The following F13B variants were observed in gnomAD, a reference collection of about 807,000 sequenced individuals.
The protein encoded by F13B is coagulation factor XIII B chain.
A neutral mutation model predicts 79.8 loss-of-function variants in F13B; 58 were observed. The observed-to-expected ratio is 0.73, with a 90% CI of 0.59 to 0.90. The LOEUF is 0.90. F13B is among the 40% of genes least tolerant of loss of function. The pLI, the probability that F13B is intolerant of heterozygous loss-of-function variation, is 0.00. For missense variants in F13B, 773 were observed against 777.0 expected, an observed-to-expected ratio of 0.99 and a Z score of 0.06; for synonymous variants, 283 against 260.3, an observed-to-expected ratio of 1.09 and a Z score of -0.84.
At chr1:197,048,564 A>T (rs1655325976) in intron 10 of F13B, among the ~76,000 whole-genome samples, 1 of 152,106 alleles carries the variant, frequency 6.6e-6, no homozygotes, top group African/African-American at 2.4e-5. Flanking sequence ...ATGCCAATAC[A>T]CCAAGATACG....
intron 10 of F13B, among the ~76,000 whole-genome samples, chr1:197,048,973 T>C (rs1248349486): frequency 6.6e-6 from 1 of 151,792 alleles, no homozygotes; most frequent in African/African-American, 2.4e-5. Flanking sequence ...AACTAGAAAA[T>C]CCCCTAAATA....
Position 197,039,363 on chromosome 1 carries a change from T to A in F13B, c.*15A>T. The A allele has an allele frequency of 6.2e-7, 1 of 1,602,480 alleles. No homozygotes were observed. Among genetic ancestry groups the A allele is most frequent in the South Asian group, 1.1e-5 (1 of 90,380 alleles). On this transcript the variant is annotated 3_prime_UTR_variant, in exon 12 of 12. Coordinates refer to ENST00000367412, the MANE Select transcript of F13B (RefSeq NM_001994.3). ...TGATGTATTGAAATATGACTCCTCTTTCTGCCATTCATTTCTATGTTCTTA... is the reference window on the plus strand; with the variant it reads ...TGATGTATTGAAATATGACTCCTCTATCTGCCATTCATTTCTATGTTCTTA...
intron 10 of F13B, among the ~76,000 whole-genome samples, chr1:197,049,762 G>A (rs1003035061): frequency 2.0e-5 from 3 of 152,036 alleles, no homozygotes; most frequent in South Asian, 4.1e-4. Flanking sequence ...TCTTTCTCAT[G>A]AAAATAGATG....
chr1:197,055,059 G>A (rs1478167924), intron 8 of F13B, among the ~76,000 whole-genome samples: 2 of 151,852 alleles, frequency 1.3e-5, no homozygotes, highest in Non-Finnish European at 2.9e-5. Flanking sequence ...AGTATATATT[G>A]TAGAAGTATG....
chr1:197,064,012 G>T (rs1461792370), intron 1 of F13B, among the ~76,000 whole-genome samples: 1 of 152,052 alleles, frequency 6.6e-6, no homozygotes, highest in African/African-American at 2.4e-5. Flanking sequence ...GCAATACTTG[G>T]CAAGAACTTG....
chr1:197,059,945 C>CT (rs1162311577), intron 5 of F13B, among the ~76,000 whole-genome samples: 1 of 152,072 alleles, frequency 6.6e-6, no homozygotes, highest in Non-Finnish European at 1.5e-5. Context: ...TATTCTTCTG[C>CT]TTTTCCTGCT....
At chr1:197,061,342 T>C (rs368446352) in intron 3 of F13B, among the ~76,000 whole-genome samples, 1 of 152,122 alleles carries the variant, frequency 6.6e-6, no homozygotes, top group Admixed American at 6.6e-5. Context: ...GCAGTAGCAA[T>C]TGTGAAAGTA....
chr1:197,042,593 C>A (rs1429907825), intron 10 of F13B, among the ~76,000 whole-genome samples: 1 of 145,588 alleles, frequency 6.9e-6, no homozygotes, highest in African/African-American at 2.5e-5. Context: ...CCAAGGCGGG[C>A]GGATCATCTG....
chr1:197,040,845 C>A, intron 10 of F13B, 110 bp from the exon 11 acceptor site: 2 of 797,278 alleles, frequency 2.5e-6, no homozygotes, highest in Non-Finnish European at 2.1e-6. Context: ...CCTTAAAATT[C>A]TCAGGCCTAA....
intron 9 of F13B, 142 bp downstream of exon 9, chr1:197,052,492 C>A: frequency 1.7e-6 from 1 of 582,952 alleles, no homozygotes; most frequent in Non-Finnish European, 2.9e-6. Context: ...TGTCTCAGAA[C>A]TCAAAGTAAA....
chr1:197,051,020 C>A (rs1404123643), intron 9 of F13B, 141 bp from the exon 10 acceptor site: 6 of 695,550 alleles, frequency 8.6e-6, no homozygotes, highest in Non-Finnish European at 1.5e-5. Flanking sequence ...CAACCTCTGC[C>A]TCCCAGGCTC....
intron 8 of F13B, among the ~76,000 whole-genome samples, chr1:197,054,588 A>T (rs895247303): frequency 6.6e-6 from 1 of 151,666 alleles, no homozygotes; most frequent in Non-Finnish European, 1.5e-5. Context: ...AAAATAATTT[A>T]TATATAGATT....
In F13B at chr1:197,055,727, G is replaced by T. The variant is rs1392133998; in HGVS notation, c.1342C>A (p.Pro448Thr). The change falls in exon 8 of 12, where the codon CCT becomes ACT. Residue 448 changes from proline to threonine, a missense_variant. Physicochemically the swap from Pro to Thr is conservative, Grantham distance 38. Transcript: ENST00000367412. ...RCEQGKWSSP[P>T]VCLEPCTVNV... ...TTCTCTTTCTTACCCAAGCAAACAGGTGGGGATGACCATTTTCCTTGTTCG... is the reference window on the plus strand; with the variant it reads ...TTCTCTTTCTTACCCAAGCAAACAGTTGGGGATGACCATTTTCCTTGTTCG... 1.2e-6 allele frequency: 2 copies of T among 1,613,212 alleles called. No individual in the cohort carries two copies. The highest frequency in any genetic ancestry group is 1.7e-6 in the Non-Finnish European group (2 of 1,179,622).
At chr1:197,063,197 C>T (rs1480616121) in intron 1 of F13B, 140 bp from the exon 2 acceptor site, 7 of 710,524 alleles carry the variant, frequency 9.9e-6, no homozygotes, top group Non-Finnish European at 1.4e-5. Flanking sequence ...TTTTAAGGTA[C>T]TTTTGTGACA....
intron 4 of F13B, 49 bp from the exon 5 acceptor site, chr1:197,060,591 T>C (rs1235020900): frequency 7.4e-7 from 1 of 1,358,576 alleles, no homozygotes; most frequent in African/African-American, 1.5e-5. Context: ...TTATTTTTTC[T>C]GCTACAACAA....
chr1:197,044,065 A>C (rs1655137280), intron 10 of F13B, among the ~76,000 whole-genome samples: 1 of 151,486 alleles, frequency 6.6e-6, no homozygotes, highest in South Asian at 2.1e-4. Context: ...ATTTATATAT[A>C]TATAGAGAGA....
chr1:197,041,672 T>C (rs368657511), intron 10 of F13B, among the ~76,000 whole-genome samples: 1 of 152,198 alleles, frequency 6.6e-6, no homozygotes, highest in African/African-American at 2.4e-5. Context: ...AAACCGCAGA[T>C]AATGCTAAAC....
rs556835037 is a variant in F13B, at chr1:197,060,646, C to T, written c.629-104G>A. 7.0e-6 allele frequency: 6 copies of T among 857,318 alleles called. No homozygotes were observed. The East Asian group carries it at 1.6e-4, about 23-fold the overall frequency. The allele number at this position is 857,318 out of a possible 1,614,324, so 53.1% of individuals were successfully genotyped here. A position where few individuals can be genotyped will look rare whatever the true frequency, so the allele number is the denominator to read the frequency against. ...ATAACTAGAATAGAAATTAAATTTG[C>T]CAAAAAGCTTATGAATTCATTTTAT... On this transcript the variant is annotated intron_variant, in intron 4 of 11. Transcript: ENST00000367412.
intron 5 of F13B, among the ~76,000 whole-genome samples, chr1:197,058,713 A>G (rs1330665522): frequency 6.6e-6 from 1 of 152,112 alleles, no homozygotes; most frequent in Non-Finnish European, 1.5e-5. Flanking sequence ...TGTTAACCTC[A>G]AAGTGTCTTG....
Sources: allele counts gnomAD v4.1 joint callset (sites outside exome capture counted in the v4.1 genomes callset), GRCh38; gene constraint gnomAD v4.1.1; transcripts MANE v1.5; gene names NCBI Gene and HGNC (gene_info 2026-07-23, HGNC 2026-07-21).